Variants in SOX5 observed in about 807,000 individuals in gnomAD.
SOX5 encodes the protein transcription factor SOX-5.
A neutral mutation model predicts 92.0 loss-of-function variants in SOX5; 9 were observed. That is an observed-to-expected ratio of 0.10 (90% confidence interval 0.06 to 0.17). The LOEUF is 0.17. SOX5 is among the 10% of genes least tolerant of loss of function. The pLI is 1.00. For synonymous variants in SOX5, 344 were observed against 336.3 expected (o/e 1.02, Z -0.25); for missense variants, 642 against 944.5 (o/e 0.68, Z 4.20).
intron 8 of SOX5, among the ~76,000 whole-genome samples, chr12:23,619,811 G>C (rs1252073475): frequency 1.3e-5 from 2 of 152,078 alleles, no homozygotes; most frequent in African/African-American, 4.8e-5. Flanking sequence ...AACCATTTAA[G>C]TAATTGTAGG....
chr12:24,471,596 A>C (rs927768209), intron 1 of SOX5, among the ~76,000 whole-genome samples: 1 of 152,292 alleles, frequency 6.6e-6, no homozygotes, highest in Non-Finnish European at 1.5e-5. Context: ...GTGTCTTCTA[A>C]ATGTTAAATG....
intron 4 of SOX5, among the ~76,000 whole-genome samples, chr12:23,985,876 C>T (rs188519094): frequency 1.0e-3 from 152 of 152,020 alleles, no homozygotes; most frequent in African/African-American, 3.4e-3. Flanking sequence ...ATTTTCTTGC[C>T]TTTTCTAGCT....
intron 4 of SOX5, among the ~76,000 whole-genome samples, chr12:24,153,197 C>T (rs1435403053): frequency 6.6e-6 from 1 of 152,048 alleles, no homozygotes; most frequent in Non-Finnish European, 1.5e-5. Context: ...TTACAATTTG[C>T]CCTTCAGTTC....
intron 4 of SOX5, among the ~76,000 whole-genome samples, chr12:23,962,019 G>C (rs573477931): frequency 6.6e-6 from 1 of 152,302 alleles, no homozygotes; most frequent in East Asian, 1.9e-4. Context: ...GGTGGAAAAA[G>C]TGATAAGTTA....
chr12:23,904,264 C>T (rs4581551), intron 1 of SOX5, among the ~76,000 whole-genome samples: 49,852 of 151,896 alleles, frequency 0.33, 9,722 homozygotes, highest in East Asian at 0.8. Flanking sequence ...CTAAATCCTC[C>T]TTGCCATCAG....
At chr12:24,146,439 A>T (rs67457274) in intron 4 of SOX5, among the ~76,000 whole-genome samples, 19,864 of 152,088 alleles carry the variant, frequency 0.13, 1,504 homozygotes, top group East Asian at 0.35. Context: ...ACTAAGTGAA[A>T]ATTAAAATAT....
intron 4 of SOX5, among the ~76,000 whole-genome samples, chr12:24,199,788 G>T (rs985522398): frequency 6.6e-6 from 1 of 152,136 alleles, no homozygotes; most frequent in Non-Finnish European, 1.5e-5. Context: ...ATCAAAAGAC[G>T]TTTGCAATCC....
intron 9 of SOX5, among the ~76,000 whole-genome samples, chr12:23,599,268 G>T (rs971957524): frequency 1.4e-4 from 22 of 152,210 alleles, no homozygotes; most frequent in Non-Finnish European, 3.1e-4. Flanking sequence ...GGATAGTGCA[G>T]CTCAAAGAAT....
rs1457801112 is a variant in SOX5, at chr12:24,164,373, C to T, written c.-2+48970G>A. The stretch of plus-strand genomic sequence containing the variant: ...TCCTTTTTAATTAAGAAAGCTCCAA[C>T]ATACATATATATTTTATCTAATTTC... On this transcript the variant is annotated intron_variant, in intron 4 of 4. Transcript: ENST00000446891. Among the ~76,000 whole-genome samples, 4 of 151,504 alleles carry T rather than the reference C, an allele frequency of 2.6e-5. No homozygotes were observed. The East Asian group carries it at 7.7e-4, about 29-fold the overall frequency.
intron 2 of SOX5, among the ~76,000 whole-genome samples, chr12:24,315,070 A>C (rs1949572032): frequency 6.6e-6 from 1 of 152,208 alleles, no homozygotes; most frequent in African/African-American, 2.4e-5. Flanking sequence ...ACAAAGTCTT[A>C]ACATAAAGAA....
In SOX5 at chr12:23,757,839, G is replaced by A. The variant is rs374489508; in HGVS notation, c.482-2115C>T. Among the ~76,000 whole-genome samples the A allele has an allele frequency of 3.9e-3, 596 of 151,810 alleles. 5 individuals carry two copies. The highest frequency in any genetic ancestry group is 0.013 in the African/African-American group (547 of 41,442). ...CTAGACAAAATATTCACTGTAGTGT[G>A]CTCATAAAGAAACAGAAGTCTTCTG... On this transcript the variant is annotated intron_variant, in intron 3 of 14. Coordinates refer to ENST00000451604, the MANE Select transcript of SOX5 (RefSeq NM_006940.6).
chr12:23,774,161 T>C (rs1403634951), intron 3 of SOX5, among the ~76,000 whole-genome samples: 2 of 152,210 alleles, frequency 1.3e-5, no homozygotes, highest in Admixed American at 6.5e-5. Context: ...AATATCATCA[T>C]GTTACCTTTT....
At chr12:23,776,652 T>G (rs997534668) in intron 3 of SOX5, among the ~76,000 whole-genome samples, 1 of 151,974 alleles carries the variant, frequency 6.6e-6, no homozygotes, top group Non-Finnish European at 1.5e-5. Flanking sequence ...GAAGGGAGGA[T>G]AATTTTGGGA....
chr12:23,799,152 A>G (rs2095618025), intron 3 of SOX5, among the ~76,000 whole-genome samples: 2 of 151,944 alleles, frequency 1.3e-5, no homozygotes, highest in Admixed American at 1.3e-4. Context: ...CAGCCATTTT[A>G]TATTGTTTTC....
chr12:24,209,134 G>A lies in SOX5; in HGVS notation c.-2+4209C>T, dbSNP rs373449218. 5.3e-5 allele frequency among the ~76,000 whole-genome samples: 8 copies of A among 152,284 alleles called. No homozygotes were observed. In the South Asian group the frequency reaches 8.3e-4, roughly 16 times the overall value. Reference sequence around the variant, plus strand: ...TGAGCATTTAAATATTTTGCTTCTAGTAATGCAGAAGAAGTTGAAGGTACT... The same window carrying A: ...TGAGCATTTAAATATTTTGCTTCTAATAATGCAGAAGAAGTTGAAGGTACT... On this transcript the variant is annotated intron_variant, in intron 4 of 4. Coordinates refer to the SOX5 transcript ENST00000446891.
chr12:23,968,965 TTA>T (rs1441374300), intron 4 of SOX5, among the ~76,000 whole-genome samples: 2 of 152,200 alleles, frequency 1.3e-5, no homozygotes, highest in African/African-American at 2.4e-5. Context: ...CTTCTAAATT[TTA>T]TATGTCTTCG....
At chr12:24,295,769 T>C (rs922081761) in intron 2 of SOX5, among the ~76,000 whole-genome samples, 17 of 152,134 alleles carry the variant, frequency 1.1e-4, no homozygotes, top group African/African-American at 3.9e-4. Flanking sequence ...GATTTTACCA[T>C]GTTGGCCAGG....
chr12:23,997,666 A>G (rs940588455), intron 4 of SOX5, among the ~76,000 whole-genome samples: 1 of 152,216 alleles, frequency 6.6e-6, no homozygotes, highest in African/African-American at 2.4e-5. Context: ...TGAACTTTCA[A>G]TGTGTTTCTC....
At chr12:24,167,073 C>T (rs1010330065) in intron 4 of SOX5, among the ~76,000 whole-genome samples, 3 of 152,138 alleles carry the variant, frequency 2.0e-5, no homozygotes, top group African/African-American at 7.2e-5. Context: ...TGCTAGCTAT[C>T]ATTAACATTA....
Sources: gnomAD v4.1 joint callset for allele counts (sites outside exome capture counted in the v4.1 genomes callset) on GRCh38, gnomAD v4.1.1 for gene constraint, MANE v1.5 for transcripts, NCBI Gene and HGNC (gene_info 2026-07-23, HGNC 2026-07-21) for gene names.